The following SPON1 variants were observed in gnomAD, a reference collection of about 807,000 sequenced individuals.
The protein encoded by SPON1 is spondin-1.
Under a neutral mutation model 111.7 loss-of-function variants are expected in SPON1, and 52 were observed. That is an observed-to-expected ratio of 0.47 (90% CI 0.37 to 0.59). The LOEUF is 0.59. Among genes scored for constraint, SPON1 ranks in the 20% least tolerant of loss-of-function variants. The pLI is 0.00. For synonymous variants in SPON1, 410 were observed against 395.8 expected, an observed-to-expected ratio of 1.04 and a Z score of -0.43; for missense variants, 957 against 1,068.5, an observed-to-expected ratio of 0.90 and a Z score of 1.46.
intron 6 of SPON1, among the ~76,000 whole-genome samples, chr11:14,168,558 T>A (rs1410021726): frequency 1.3e-5 from 2 of 152,144 alleles, no homozygotes; most frequent in Non-Finnish European, 2.9e-5. Flanking sequence ...AACGTGCAGG[T>A]TTGTTACCTA....
intron 2 of SPON1, among the ~76,000 whole-genome samples, chr11:13,996,519 A>T (rs2133790160): frequency 6.6e-6 from 1 of 152,366 alleles, no homozygotes; most frequent in Admixed American, 6.5e-5. Context: ...CAGAGGTATT[A>T]TTAAGACTTA....
intron 6 of SPON1, among the ~76,000 whole-genome samples, chr11:14,174,045 A>G (rs1213187793): frequency 1.3e-5 from 2 of 152,206 alleles, no homozygotes; most frequent in Non-Finnish European, 2.9e-5. Flanking sequence ...GAACAGGGCC[A>G]GGAAAGCATG....
chr11:14,041,608 G>A lies in SPON1; in HGVS notation c.433G>A (p.Val145Met). 1 of 1,613,904 alleles carries A rather than the reference G, an allele frequency of 6.2e-7. No individual in the cohort carries two copies. Among genetic ancestry groups the A allele is most frequent in the Non-Finnish European group, 8.5e-7 (1 of 1,179,878 alleles). ...STPRRRTRIQ[V>M]FWIAPPAGTG... is the part of the protein sequence containing the mutation. Reference sequence around the variant, plus strand: ...TCCACGGAGGAGGACCCGGATCCAGGTGTTTTGGATAGCACCACCAGCGGG... The same window carrying A: ...TCCACGGAGGAGGACCCGGATCCAGATGTTTTGGATAGCACCACCAGCGGG... The change falls in exon 3 of 16, where the codon GTG becomes ATG. Residue 145 changes from valine (V) to methionine (M), a missense_variant. Physicochemically the swap from Val to Met is conservative, Grantham distance 21. This residue lies in a region of SPON1 where 262 missense variants were observed against 253.9 expected (regional missense o/e 1.03). Transcript: ENST00000576479.
At chr11:14,140,032 T>G (rs1847635646) in intron 6 of SPON1, among the ~76,000 whole-genome samples, 2 of 152,162 alleles carry the variant, frequency 1.3e-5, no homozygotes, top group South Asian at 4.1e-4. Context: ...TTGTCTCTAC[T>G]CAGACGAAAT....
chr11:14,259,598 G>T lies in SPON1; in HGVS notation c.1728G>T (p.Met576Ile). The part of the protein sequence containing the change: ...EWDECSATCG[M>I]GMKKRHRMIK... ...ACGAGTGCAGCGCCACCTGCGGCAT[G>T]GGCATGAAGAAGCGGCACCGCATGA... Residue 576 changes from methionine to isoleucine, a missense_variant, in exon 13 of 16, where the codon ATG becomes ATT. This residue lies in a region of SPON1 where 549 missense variants were observed against 606.2 expected (regional missense o/e 0.91). Coordinates refer to ENST00000576479, the MANE Select transcript of SPON1 (RefSeq NM_006108.4). This position sits in a 1 kb window ranked among gnomAD's most constrained non-coding sequence, Gnocchi z 5.0. 1 of 1,556,380 alleles carries T rather than the reference G, an allele frequency of 6.4e-7. No individual in the cohort carries two copies. The highest frequency in any genetic ancestry group is 8.7e-7 in the Non-Finnish European group (1 of 1,149,996).
chr11:13,997,386 A>T (rs1337128636), intron 2 of SPON1, among the ~76,000 whole-genome samples: 1 of 152,238 alleles, frequency 6.6e-6, no homozygotes, highest in Non-Finnish European at 1.5e-5. Context: ...TAGCTAAGTC[A>T]AGAAGTCTCT....
At chr11:14,179,484 A>G (rs1554933497) in intron 6 of SPON1, among the ~76,000 whole-genome samples, 1 of 152,136 alleles carries the variant, frequency 6.6e-6, no homozygotes. Context: ...AGCAAAGGCC[A>G]GCTCAATTGT....
intron 6 of SPON1, among the ~76,000 whole-genome samples, chr11:14,198,106 G>A (rs1228880985): frequency 7.2e-5 from 11 of 152,178 alleles, no homozygotes; most frequent in Admixed American, 5.2e-4. Context: ...AGAATGGTGG[G>A]GCATCCCATC....
chr11:14,170,493 C>T (rs1848085035), intron 6 of SPON1, among the ~76,000 whole-genome samples: 2 of 152,246 alleles, frequency 1.3e-5, no homozygotes, highest in Admixed American at 1.3e-4. Flanking sequence ...TTATTTCCTT[C>T]TCCTGCCTGA....
intron 7 of SPON1, among the ~76,000 whole-genome samples, chr11:14,247,184 G>A (rs962265886): frequency 1.3e-5 from 2 of 152,192 alleles, no homozygotes; most frequent in African/African-American, 4.8e-5. Context: ...GAAGCAGGAG[G>A]CTCACTCGAG....
intron 6 of SPON1, among the ~76,000 whole-genome samples, chr11:14,158,071 T>C (rs534063313): frequency 6.6e-6 from 1 of 152,286 alleles, no homozygotes; most frequent in East Asian, 1.9e-4. Flanking sequence ...TGATAAATTA[T>C]AGGGGCTCTG....
chr11:14,184,125 C>T (rs189935063), intron 6 of SPON1, among the ~76,000 whole-genome samples: 2 of 152,170 alleles, frequency 1.3e-5, no homozygotes, highest in Admixed American at 1.3e-4. Flanking sequence ...TTTCAACCAG[C>T]CTTAGTCCCT....
intron 5 of SPON1, among the ~76,000 whole-genome samples, chr11:14,097,269 A>G (rs932308749): frequency 6.6e-6 from 1 of 152,218 alleles, no homozygotes; most frequent in African/African-American, 2.4e-5. Context: ...ACACCCTTTA[A>G]TAATAGGGAG....
chr11:14,144,673 A>ATAATAATAATAAT (rs1564914879), intron 6 of SPON1, among the ~76,000 whole-genome samples: 1 of 124,970 alleles, frequency 8.0e-6, no homozygotes, highest in African/African-American at 3.0e-5. Flanking sequence ...ATAATAATGA[A>ATAATAATAATAAT]AAATAAAAAG....
intron 6 of SPON1, among the ~76,000 whole-genome samples, chr11:14,144,633 C>CTAATAATAATAATAATAATAATAATAA (rs782316295): frequency 8.1e-6 from 1 of 123,970 alleles, no homozygotes; most frequent in African/African-American, 3.3e-5. Flanking sequence ...GACTCCATCT[C>CTAATAATAATAATAATAATAATAATAA]CAATAATAAT....
intron 2 of SPON1, among the ~76,000 whole-genome samples, chr11:14,022,811 A>G (rs1047666538): frequency 6.6e-6 from 1 of 152,240 alleles, no homozygotes; most frequent in South Asian, 2.1e-4. Context: ...CATTTTGCCC[A>G]TACATTCGAC....
intron 6 of SPON1, among the ~76,000 whole-genome samples, chr11:14,172,405 T>C (rs1350127109): frequency 3.3e-5 from 5 of 151,806 alleles, no homozygotes; most frequent in Admixed American, 6.6e-5. Context: ...TGAGATGGGT[T>C]TCCTGAATAC....
rs1247441017 is a variant in SPON1, at chr11:14,077,428, A to AT, written c.553+2023dup. The stretch of plus-strand genomic sequence containing the variant: ...ACAAACATATGCATACACATACTTT[A>AT]TTTTTTTTTTTTTAGTTTTTTTGAG... On this transcript the variant is annotated intron_variant, in intron 4 of 15. Transcript: ENST00000576479. Among the ~76,000 whole-genome samples the AT allele has an allele frequency of 2.5e-3, 369 of 149,350 alleles. 1 individual carries two copies. Among genetic ancestry groups the AT allele is most frequent in the Middle Eastern group, 0.01 (3 of 292 alleles).
intron 6 of SPON1, among the ~76,000 whole-genome samples, chr11:14,219,904 T>G (rs943321204): frequency 6.6e-6 from 1 of 152,060 alleles, no homozygotes; most frequent in Non-Finnish European, 1.5e-5. Flanking sequence ...CCAGGCAACA[T>G]GGTGAAACCC....
Sources: allele counts gnomAD v4.1 joint callset (sites outside exome capture counted in the v4.1 genomes callset), GRCh38; gene constraint gnomAD v4.1.1; regional missense constraint gnomAD v4.1.1; non-coding constraint Gnocchi (gnomAD v3.1); transcripts MANE v1.5; gene names NCBI Gene and HGNC (gene_info 2026-07-23, HGNC 2026-07-21).